BCL2L14: variants seen among roughly 807,000 people sequenced by gnomAD.
The protein encoded by BCL2L14 is BCL2 like 14.
Under a neutral mutation model 35.3 loss-of-function variants are expected in BCL2L14, and 27 were observed. The observed-to-expected ratio is 0.76, with a 90% CI of 0.56 to 1.05. BCL2L14 has a LOEUF of 1.05. Among genes scored for constraint, BCL2L14 ranks in the 50% least tolerant of loss-of-function variants. BCL2L14 has a pLI of 0.00. For synonymous variants in BCL2L14, 139 were observed against 145.9 expected (o/e 0.95, Z 0.34); for missense variants, 377 against 382.6 (o/e 0.99, Z 0.12).
At chr12:12,068,183 T>G, upstream of BCL2L14, 1 of 398,644 alleles carries the variant, frequency 2.5e-6, no homozygotes, top group Non-Finnish European at 4.4e-6. Context: ...GGACACAGTC[T>G]GTCCTCCTGC....
chr12:12,051,491 C>T (rs1948357162), intron 1 of BCL2L14, among the ~76,000 whole-genome samples: 1 of 152,110 alleles, frequency 6.6e-6, no homozygotes, highest in South Asian at 2.1e-4. Flanking sequence ...ATGAGGCACC[C>T]ATCTCCTCAT....
upstream of BCL2L14, among the ~76,000 whole-genome samples, chr12:12,066,718 T>TTA: frequency 6.8e-6 from 1 of 146,152 alleles, no homozygotes; most frequent in African/African-American, 2.5e-5. Flanking sequence ...TATTATTATT[T>TTA]TTTTTTTTTT....
At chr12:12,096,327 G>A in intron 5 of BCL2L14, 1 of 246,726 alleles carries the variant, frequency 4.1e-6, no homozygotes, top group Non-Finnish European at 6.4e-6. Flanking sequence ...CCATAAATAT[G>A]CTATTAAAAA....
chr12:12,051,027 G>A (rs1948351449), intron 1 of BCL2L14, among the ~76,000 whole-genome samples: 1 of 146,482 alleles, frequency 6.8e-6, no homozygotes. Context: ...AAAGGTTTTA[G>A]AATTTAACTT....
At chr12:12,063,180 C>A (rs896927850) in intron 2 of BCL2L14, among the ~76,000 whole-genome samples, 3 of 149,406 alleles carry the variant, frequency 2.0e-5, no homozygotes, top group African/African-American at 7.4e-5. Flanking sequence ...CATACATGCC[C>A]TGCTCTTGTT....
At chr12:12,066,957 G>T (rs1485035926), upstream of BCL2L14, among the ~76,000 whole-genome samples, 1 of 152,044 alleles carries the variant, frequency 6.6e-6, no homozygotes, top group Non-Finnish European at 1.5e-5. Context: ...TGATCTACCT[G>T]CCTTGGCCTC....
chr12:12,096,494 A>G (rs569233214), intron 5 of BCL2L14, among the ~76,000 whole-genome samples: 18 of 152,018 alleles, frequency 1.2e-4, no homozygotes, highest in African/African-American at 4.8e-5. Context: ...AATCTCTAAT[A>G]AAAGACATAT....
chr12:12,075,103 T>C (rs1948751156), intron 1 of BCL2L14, among the ~76,000 whole-genome samples: 1 of 152,004 alleles, frequency 6.6e-6, no homozygotes, highest in African/African-American at 2.4e-5. Context: ...TTTTTTAATA[T>C]GTTTCTTTTT....
chr12:12,055,644 T>C (rs2909001), intron 2 of BCL2L14: 122,039 of 152,118 alleles, frequency 0.8, 49,108 homozygotes, highest in East Asian at 0.98. Flanking sequence ...CAGAACGCTT[T>C]CACTTCTCAG....
intron 1 of BCL2L14, among the ~76,000 whole-genome samples, chr12:12,075,111 T>C (rs1948751693): frequency 6.6e-6 from 1 of 152,104 alleles, no homozygotes; most frequent in Non-Finnish European, 1.5e-5. Flanking sequence ...TATGTTTCTT[T>C]TTTTTCTTTT....
chr12:12,092,987 A>G (rs1472824630), intron 4 of BCL2L14, among the ~76,000 whole-genome samples: 1 of 152,192 alleles, frequency 6.6e-6, no homozygotes, highest in Non-Finnish European at 1.5e-5. Context: ...TTTTCACATG[A>G]CAACCAGCAT....
intron 2 of BCL2L14, among the ~76,000 whole-genome samples, chr12:12,084,429 A>G (rs560963643): frequency 6.6e-6 from 1 of 152,170 alleles, no homozygotes; most frequent in Non-Finnish European, 1.5e-5. Flanking sequence ...GTGGATACTG[A>G]GTGGGAAAGA....
intron 2 of BCL2L14, among the ~76,000 whole-genome samples, chr12:12,056,813 A>ACGAC (rs78779550): frequency 0.063 from 9,525 of 152,182 alleles, 320 homozygotes; most frequent in African/African-American, 0.079. Context: ...TCCAGCCTGG[A>ACGAC]CGACAAGAGC....
rs775742986 is a variant in BCL2L14, at chr12:12,087,347, C to T, written c.568C>T (p.Leu190Phe). The T allele has an allele frequency of 1.2e-6, 2 of 1,614,130 alleles. No individual in the cohort carries two copies. Among genetic ancestry groups the T allele is most frequent in the East Asian group, 2.2e-5 (1 of 44,902 alleles). The change falls in exon 3 of 6, where the codon CTC becomes TTC. Residue 190 changes from leucine to phenylalanine, a missense_variant. Physicochemically the swap from Leu to Phe is conservative, Grantham distance 22. Coordinates refer to ENST00000308721, the MANE Select transcript of BCL2L14 (RefSeq NM_138723.2). Reference sequence around the variant, plus strand: ...TGTAACTGAGGGTCTCTCCTTCCAGCTCCAAGGCCACGTGCCTGTAGCTTC... The same window carrying T: ...TGTAACTGAGGGTCTCTCCTTCCAGTTCCAAGGCCACGTGCCTGTAGCTTC... ...IFVTEGLSFQ[L>F]QGHVPVASSS...
Position 12,099,179 on chromosome 12 carries a change from T to C in BCL2L14, c.*191T>C. 1 of 572,574 alleles carries C rather than the reference T, an allele frequency of 1.7e-6. No individual in the cohort carries two copies. The allele number at this position is 572,574 out of a possible 1,614,324, so 35.5% of individuals were successfully genotyped here. A position where few individuals can be genotyped will look rare whatever the true frequency, so the allele number is the denominator to read the frequency against. On this transcript the variant is annotated 3_prime_UTR_variant, in exon 6 of 6. Coordinates refer to ENST00000308721, the MANE Select transcript of BCL2L14 (RefSeq NM_138723.2). ...CTCCAGCTCATAAAATGTAGCAGCA[T>C]CATCCTTGACAGTGATGTTTTTCAG...
chr12:12,087,156 A>G, intron 2 of BCL2L14, 57 bp from the exon 3 acceptor site: 5 of 1,575,022 alleles, frequency 3.2e-6, no homozygotes, highest in Non-Finnish European at 4.3e-6. Flanking sequence ...TTTGCATACC[A>G]ATGAGCCAGA....
chr12:12,095,006 AT>A, intron 5 of BCL2L14, 76 bp downstream of exon 5: 1 of 1,514,688 alleles, frequency 6.6e-7, no homozygotes, highest in Non-Finnish European at 8.8e-7. Context: ...TTTTTTTTAA[AT>A]GAAGGGAACA....
chr12:12,095,461 C>G (rs1269927121), intron 5 of BCL2L14: 2 of 985,168 alleles, frequency 2.0e-6, no homozygotes. Context: ...TTTCAATTAC[C>G]TGGTATCAGT....
chr12:12,085,604 G>A (rs1591828634), intron 2 of BCL2L14, among the ~76,000 whole-genome samples: 1 of 152,214 alleles, frequency 6.6e-6, no homozygotes, highest in Non-Finnish European at 1.5e-5. Flanking sequence ...CCATGGAAAA[G>A]ATGGCTTTAT....
Sources: gnomAD v4.1 joint callset for allele counts (sites outside exome capture counted in the v4.1 genomes callset) on GRCh38, gnomAD v4.1.1 for gene constraint, MANE v1.5 for transcripts, NCBI Gene and HGNC (gene_info 2026-07-23, HGNC 2026-07-21) for gene names.